Variants in NCK2 observed in about 807,000 individuals in gnomAD.
The protein encoded by NCK2 is NCK adaptor protein 2, also known as cytoplasmic protein NCK2.
In NCK2, 16 loss-of-function variants were observed where a neutral mutation model predicts 33.9. The ratio of observed to expected loss-of-function variants is 0.47; its 90% CI spans 0.32 to 0.72. The LOEUF is 0.72. NCK2 is among the 30% of genes least tolerant of loss of function. The pLI is 0.03. For synonymous variants in NCK2, 273 were observed against 239.9 expected (o/e 1.14, Z -1.27); for missense variants, 418 against 537.3 (o/e 0.78, Z 2.19).
intron 1 of NCK2, among the ~76,000 whole-genome samples, chr2:105,755,382 T>G (rs1416133124): frequency 6.7e-5 from 10 of 149,322 alleles, no homozygotes; most frequent in African/African-American, 2.0e-4. Flanking sequence ...ATAGATTAGG[T>G]GTCTAGTGTT....
intron 1 of NCK2, among the ~76,000 whole-genome samples, chr2:105,765,300 G>A (rs1689901790): frequency 2.6e-5 from 4 of 152,178 alleles, no homozygotes; most frequent in Middle Eastern, 3.2e-3. Flanking sequence ...ACAAATTGAC[G>A]AGAATTTGTA....
At chr2:105,768,547 CAGAA>C (rs1405433151) in intron 1 of NCK2, among the ~76,000 whole-genome samples, 2 of 152,218 alleles carry the variant, frequency 1.3e-5, no homozygotes, top group African/African-American at 2.4e-5. Context: ...TCACAGAACT[CAGAA>C]AGGCACTTTG....
rs750135733 is a variant in NCK2, at chr2:105,893,075, C to T, written c.1042C>T (p.Arg348Cys). 2 of 1,614,150 alleles carry T rather than the reference C, an allele frequency of 1.2e-6. No homozygotes were observed. Among genetic ancestry groups the T allele is most frequent in the Non-Finnish European group, 8.5e-7 (1 of 1,180,004 alleles). Residue 348 changes from arginine to cysteine, a missense_variant, in exon 5 of 5, where the codon CGC (arginine) becomes TGC (cysteine). Coordinates refer to ENST00000233154, the MANE Select transcript of NCK2 (RefSeq NM_003581.5). ...VDNVYCIGQR[R>C]FHTMDELVEH... is the part of the protein sequence containing the mutation. ...CAATGTCTACTGCATTGGGCAGCGG[C>T]GCTTCCACACCATGGACGAGCTGGT...
chr2:105,746,382 C>CGGAA (rs1025606192), intron 1 of NCK2, among the ~76,000 whole-genome samples: 2 of 152,160 alleles, frequency 1.3e-5, no homozygotes, highest in Non-Finnish European at 2.9e-5. Flanking sequence ...CCCCGCTTCT[C>CGGAA]GGAAGGGATT....
chr2:105,778,379 G>A (rs1690379993), intron 1 of NCK2, among the ~76,000 whole-genome samples: 1 of 152,184 alleles, frequency 6.6e-6, no homozygotes, highest in Admixed American at 6.5e-5. Flanking sequence ...GGCCCAGTTT[G>A]GTCAGCTGCC....
chr2:105,893,494 CTGTGAGCGCAGG>C lies in NCK2; in HGVS notation c.*319_*330del. 3.2e-6 allele frequency: 1 copy of C among 308,316 alleles called. No homozygotes were observed. The highest frequency in any genetic ancestry group is 4.1e-5 in the South Asian group (1 of 24,338). The allele number at this position is 308,316 out of a possible 1,614,324, so 19.1% of individuals were successfully genotyped here. On this transcript the variant is annotated 3_prime_UTR_variant, in exon 5 of 5. Transcript: ENST00000233154. The stretch of plus-strand genomic sequence containing the variant: ...CCCTCTTTAAAAAGACGCAGGGCAC[CTGTGAGCGCAGG>C]AGCGAGCCTAAGGCCACCCAGCGGC...
At chr2:105,789,903 G>C (rs1026212395) in intron 1 of NCK2, among the ~76,000 whole-genome samples, 1 of 152,224 alleles carries the variant, frequency 6.6e-6, no homozygotes, top group African/African-American at 2.4e-5. Flanking sequence ...CGAACAGGTT[G>C]GATATGAGTG....
chr2:105,853,932 T>G (rs1677161928), intron 2 of NCK2: 1 of 152,164 alleles, frequency 6.6e-6, no homozygotes, highest in Admixed American at 6.6e-5. Context: ...AGGAACCTGA[T>G]CAGATGTTGA....
In NCK2 at chr2:105,881,392, C is replaced by T; in HGVS notation, c.291C>T (p.Ala97=). ...RDASPTPSTD[A]EYPANGSGAD... is the part of the protein sequence containing the mutation. ...CGTCCCCCACGCCCAGCACGGACGC[C>T]GAGTACCCCGCCAATGGCAGCGGCG... is the stretch of plus-strand genomic sequence containing the variant. The change falls in exon 4 of 5, where the codon GCC becomes GCT. Residue 97 remains alanine, a synonymous_variant. Transcript: ENST00000233154. The T allele has an allele frequency of 6.2e-7, 1 of 1,611,544 alleles. No homozygotes were observed. Among genetic ancestry groups the T allele is most frequent in the Non-Finnish European group, 8.5e-7 (1 of 1,179,886 alleles).
chr2:105,822,183 T>C (rs1289421477), intron 2 of NCK2, among the ~76,000 whole-genome samples: 1 of 152,018 alleles, frequency 6.6e-6, no homozygotes, highest in Non-Finnish European at 1.5e-5. Flanking sequence ...GGAGAGTTCT[T>C]TGGAAACGTA....
chr2:105,765,881 TAAG>T (rs1689925326), intron 1 of NCK2, among the ~76,000 whole-genome samples: 2 of 151,242 alleles, frequency 1.3e-5, no homozygotes, highest in African/African-American at 4.9e-5. Context: ...TATAAAAAAT[TAAG>T]AGTCTAGGTA....
At chr2:105,808,622 C>T (rs944233621) in intron 1 of NCK2, among the ~76,000 whole-genome samples, 6 of 152,164 alleles carry the variant, frequency 3.9e-5, no homozygotes. Flanking sequence ...TGGAGTGCCA[C>T]GTGACTGCAG....
intron 2 of NCK2, among the ~76,000 whole-genome samples, chr2:105,818,283 T>A (rs374774441): frequency 1.6e-4 from 10 of 63,356 alleles, no homozygotes; most frequent in Admixed American, 3.9e-4. Flanking sequence ...TGTTTTGGGG[T>A]GGGGGGAGGG....
chr2:105,776,126 G>T (rs918378080), intron 1 of NCK2, among the ~76,000 whole-genome samples: 1 of 152,346 alleles, frequency 6.6e-6, no homozygotes, highest in South Asian at 2.1e-4. Context: ...AGCAGGCCAT[G>T]CCTGGCTGGG....
intron 3 of NCK2, among the ~76,000 whole-genome samples, chr2:105,865,647 AG>A (rs1677715239): frequency 6.6e-6 from 1 of 152,216 alleles, no homozygotes; most frequent in South Asian, 2.1e-4. Flanking sequence ...GAGGTGAGCA[AG>A]AGCCATTAAT....
intron 2 of NCK2, among the ~76,000 whole-genome samples, chr2:105,817,266 T>C (rs1034434870): frequency 7.9e-5 from 12 of 152,102 alleles, no homozygotes; most frequent in African/African-American, 2.9e-4. Flanking sequence ...AACCTACTTG[T>C]GTATGTTACA....
At chr2:105,745,290 T>A (rs530199411) in intron 1 of NCK2, among the ~76,000 whole-genome samples, 152 bp downstream of exon 1, 1 of 151,514 alleles carries the variant, frequency 6.6e-6, no homozygotes, top group Non-Finnish European at 1.5e-5. Context: ...CTCTCGGCCC[T>A]GCCGCGGCCT....
chr2:105,781,453 C>T (rs1172085895), intron 1 of NCK2, among the ~76,000 whole-genome samples: 1 of 152,226 alleles, frequency 6.6e-6, no homozygotes, highest in African/African-American at 2.4e-5. Flanking sequence ...GAACTAGTGA[C>T]CCTCCTTGGC....
At chr2:105,788,165 CAAT>C (rs1415573286) in intron 1 of NCK2, among the ~76,000 whole-genome samples, 3 of 152,040 alleles carry the variant, frequency 2.0e-5, no homozygotes. Context: ...GGAAGGAGGC[CAAT>C]TCTAGATAAG....
Sources: allele counts gnomAD v4.1 joint callset (sites outside exome capture counted in the v4.1 genomes callset), GRCh38; gene constraint gnomAD v4.1.1; transcripts MANE v1.5; gene names NCBI Gene and HGNC (gene_info 2026-07-23, HGNC 2026-07-21).